Variants in PNPT1 observed in about 807,000 individuals in gnomAD.
The protein encoded by PNPT1 is polyribonucleotide nucleotidyltransferase 1, mitochondrial.
In PNPT1, 53 loss-of-function variants were observed where a neutral mutation model predicts 119.5. The ratio of observed to expected loss-of-function variants is 0.44; its 90% CI spans 0.36 to 0.56. The LOEUF (loss-of-function observed/expected upper bound fraction) is 0.56, where lower values mean the gene tolerates loss of function less well. PNPT1 is among the 20% of genes least tolerant of loss of function. PNPT1 has a pLI of 0.00. For missense variants in PNPT1, 948 were observed against 938.5 expected (o/e 1.01, Z -0.13); for synonymous variants, 357 against 322.1 (o/e 1.11, Z -1.16).
intron 27 of PNPT1, among the ~76,000 whole-genome samples, chr2:55,637,310 G>A (rs1695706485): frequency 6.6e-6 from 1 of 152,222 alleles, no homozygotes; most frequent in Admixed American, 6.5e-5. Flanking sequence ...ACATGCTCAT[G>A]TATTTTTTAA....
chr2:55,692,523 T>A lies in PNPT1; in HGVS notation c.161+1140A>T, dbSNP rs546192511. On this transcript the variant is annotated intron_variant, in intron 1 of 27. Coordinates refer to ENST00000447944, the MANE Select transcript of PNPT1 (RefSeq NM_033109.5). ...GAACGATTAAAGCAAACTTTTTTTT[T>A]AAAAAGCGGTCCCCTAAAAAAAAGT... Among the ~76,000 whole-genome samples the A allele has an allele frequency of 2.9e-3, 444 of 152,192 alleles. 2 individuals carry two copies. Among genetic ancestry groups the A allele is most frequent in the Non-Finnish European group, 3.1e-3 (211 of 67,998 alleles).
intron 13 of PNPT1, among the ~76,000 whole-genome samples, chr2:55,663,041 C>T (rs59423424): frequency 9.2e-5 from 14 of 152,156 alleles, no homozygotes; most frequent in South Asian, 6.2e-4. Context: ...CGTGCCACCA[C>T]GCCCAGCTAA....
At chr2:55,651,723 G>A (rs1272542733) in intron 18 of PNPT1, among the ~76,000 whole-genome samples, 4 of 145,884 alleles carry the variant, frequency 2.7e-5, no homozygotes, top group Admixed American at 6.9e-5. Flanking sequence ...CTATTGTCCT[G>A]TGACCCTGCC....
rs1263853063 is a variant in PNPT1, at chr2:55,666,704, T to C, written c.1176+287A>G. ...AAAAAAGTTTTTAATTAACCAGGCA[T>C]AGTGGCACACGCCTGTAGTCCCAGC... is the stretch of plus-strand genomic sequence containing the variant. On this transcript the variant is annotated intron_variant, in intron 13 of 27. Transcript: ENST00000447944. Among the ~76,000 whole-genome samples, 3 of 152,078 alleles carry C rather than the reference T, an allele frequency of 2.0e-5. No homozygotes were observed. The East Asian group carries it at 5.8e-4, about 29-fold the overall frequency.
intron 19 of PNPT1, among the ~76,000 whole-genome samples, chr2:55,646,950 C>A (rs992749273): frequency 6.6e-6 from 1 of 152,088 alleles, no homozygotes; most frequent in Non-Finnish European, 1.5e-5. Flanking sequence ...GCAATTCTGC[C>A]TCAGCCTGCC....
rs79261530 is a variant in PNPT1, at chr2:55,658,128, G to A, written c.1285-1757C>T. On this transcript the variant is annotated intron_variant, in intron 15 of 27. Transcript: ENST00000447944. ...GGTGCCTGTAGTCCCAGCTACTTGG[G>A]GGACTGAGGCAGGAGGATCACTTAA... is the stretch of plus-strand genomic sequence containing the variant. 1.5e-3 allele frequency among the ~76,000 whole-genome samples: 227 copies of A among 152,038 alleles called. 1 individual carries two copies. Among genetic ancestry groups the A allele is most frequent in the African/African-American group, 5.4e-3 (222 of 41,480 alleles).
chr2:55,651,961 T>C (rs1572804964), intron 18 of PNPT1, among the ~76,000 whole-genome samples: 2 of 151,566 alleles, frequency 1.3e-5, no homozygotes, highest in African/African-American at 4.8e-5. Flanking sequence ...TTCGAGTAGA[T>C]TCCTGAAACA....
At chr2:55,677,640 T>G (rs1697118206) in intron 8 of PNPT1, among the ~76,000 whole-genome samples, 1 of 149,370 alleles carries the variant, frequency 6.7e-6, no homozygotes, top group South Asian at 2.1e-4. Flanking sequence ...AGTTCATTCC[T>G]CTAATGTCTA....
chr2:55,655,009 G>GT (rs1696340746), intron 17 of PNPT1, 56 bp from the exon 18 acceptor site: 14 of 1,429,706 alleles, frequency 9.8e-6, no homozygotes, highest in Admixed American at 1.8e-5. Context: ...ATGTAGAAAA[G>GT]TGTTACTATT....
chr2:55,640,025 G>A (rs915385957), intron 26 of PNPT1, among the ~76,000 whole-genome samples: 11 of 151,986 alleles, frequency 7.2e-5, no homozygotes, highest in African/African-American at 2.2e-4. Flanking sequence ...AACTTCTAGC[G>A]TATATTATAA....
intron 13 of PNPT1, among the ~76,000 whole-genome samples, chr2:55,663,821 T>C (rs1389645253): frequency 6.7e-6 from 1 of 149,906 alleles, no homozygotes; most frequent in Non-Finnish European, 1.5e-5. Context: ...TACTAAAAAA[T>C]ACAAAAAAAA....
rs72618676 is a variant in PNPT1 at position 55,649,376 on chromosome 2, C to T, written c.1496-1923G>A. Among the ~76,000 whole-genome samples the T allele has an allele frequency of 4.9e-3, 751 of 152,328 alleles. 49 individuals are homozygous for T. In the East Asian group the frequency reaches 0.13, roughly 27 times the overall value. ...TCCTGCATTCTTTGGTTGAAAGCAA[C>T]TAAGACACTCATGCCAGAATCAACA... is the stretch of plus-strand genomic sequence containing the variant. On this transcript the variant is annotated intron_variant, in intron 18 of 27. Coordinates refer to ENST00000447944, the MANE Select transcript of PNPT1 (RefSeq NM_033109.5).
chr2:55,661,936 A>G lies in PNPT1; in HGVS notation c.1247+20T>C, dbSNP rs766323692. The G allele has an allele frequency of 7.1e-6, 11 of 1,538,524 alleles. No individual in the cohort carries two copies. The highest frequency in any genetic ancestry group is 9.6e-6 in the Non-Finnish European group (11 of 1,147,560). ...TAGAACATCATAAAACGTAACAAAC[A>G]TCTTAAAAACATAACTTACTTTATA... On this transcript the variant is annotated intron_variant, in intron 14 of 27. Transcript: ENST00000447944.
intron 5 of PNPT1, among the ~76,000 whole-genome samples, chr2:55,681,239 G>A (rs560334255): frequency 1.8e-4 from 28 of 151,924 alleles, no homozygotes; most frequent in Non-Finnish European, 2.5e-4. Context: ...AAACTCTGTC[G>A]CTACTAAAAA....
chr2:55,636,569 TAA>T (rs1695682299), intron 27 of PNPT1, among the ~76,000 whole-genome samples, 177 bp from the exon 28 acceptor site: 1 of 152,228 alleles, frequency 6.6e-6, no homozygotes, highest in Admixed American at 6.5e-5. Context: ...GTAGTCATTA[TAA>T]AAGAGAAAAG....
rs1396467147 is a variant in PNPT1, at chr2:55,643,181, A to G, written c.2046T>C (p.Tyr682=). The G allele has an allele frequency of 6.2e-7, 1 of 1,614,206 alleles. No homozygotes were observed. Among genetic ancestry groups the G allele is most frequent in the South Asian group, 1.1e-5 (1 of 91,088 alleles). ...ACCTGATTTCAGTTATTGTGGCGGTATATACTGCTCCAAATTCTAATTGCT... is the reference window on the plus strand; with the variant it reads ...ACCTGATTTCAGTTATTGTGGCGGTGTATACTGCTCCAAATTCTAATTGCT... ...QEQQLEFGAV[Y]TATITEIRDT... Residue 682 remains tyrosine (Y), a synonymous_variant, in exon 25 of 28, where the codon TAT becomes TAC. Coordinates refer to ENST00000447944, the MANE Select transcript of PNPT1 (RefSeq NM_033109.5).
chr2:55,638,492 C>A (rs943748662), intron 26 of PNPT1, among the ~76,000 whole-genome samples: 1 of 151,866 alleles, frequency 6.6e-6, no homozygotes, highest in Non-Finnish European at 1.5e-5. Context: ...ACAAAAAATC[C>A]AAAAAAATTA....
rs1695630707 is a variant in PNPT1, at chr2:55,635,248, A to G, written c.*989T>C. On this transcript the variant is annotated 3_prime_UTR_variant, in exon 28 of 28. Transcript: ENST00000447944. ...GTCATGATCCTTCAGCTCTTATACT[A>G]AGAACTTCCATACATTAGAGCAATA... The G allele has an allele frequency of 6.6e-6, 1 of 152,192 alleles. No individual in the cohort carries two copies. Among genetic ancestry groups the G allele is most frequent in the Non-Finnish European group, 1.5e-5 (1 of 68,028 alleles). 9.4% of individuals were successfully genotyped at this position (152,192 alleles called of 1,614,324 possible).
At chr2:55,676,775 T>C (rs926542948) in intron 8 of PNPT1, among the ~76,000 whole-genome samples, 3 of 150,438 alleles carry the variant, frequency 2.0e-5, no homozygotes, top group African/African-American at 7.4e-5. Context: ...GTCAAGAGAA[T>C]CACTTGAACC....
Sources: allele counts gnomAD v4.1 joint callset (sites outside exome capture counted in the v4.1 genomes callset), GRCh38; gene constraint gnomAD v4.1.1; transcripts MANE v1.5; gene names NCBI Gene and HGNC (gene_info 2026-07-23, HGNC 2026-07-21).